CALD1: variants seen among roughly 807,000 people sequenced by gnomAD.
CALD1 encodes the protein caldesmon 1, also known as caldesmon.
CALD1 carries 33 observed loss-of-function variants against 99.9 expected under a neutral mutation model. The ratio of observed to expected loss-of-function variants is 0.33; its 90% CI spans 0.25 to 0.44. The LOEUF (loss-of-function observed/expected upper bound fraction) is 0.44, where lower values mean the gene tolerates loss of function less well. Among genes scored for constraint, CALD1 ranks in the 20% least tolerant of loss-of-function variants. CALD1 has a pLI of 1.00. For missense variants in CALD1, 861 were observed against 962.1 expected, an observed-to-expected ratio of 0.89 and a Z score of 1.39; for synonymous variants, 310 against 325.0, an observed-to-expected ratio of 0.95 and a Z score of 0.50.
chr7:134,915,752 G>T (rs1235815617), intron 3 of CALD1, among the ~76,000 whole-genome samples: 1 of 152,122 alleles, frequency 6.6e-6, no homozygotes, highest in East Asian at 1.9e-4. Flanking sequence ...CATTTTTATA[G>T]GGGTCTTCTA....
At chr7:134,924,784 A>G (rs1473147756) in intron 3 of CALD1, among the ~76,000 whole-genome samples, 3 of 152,096 alleles carry the variant, frequency 2.0e-5, no homozygotes, top group Admixed American at 2.0e-4. Flanking sequence ...CGTAATCTCC[A>G]TGTGTCAAGA....
rs779036893 is a variant in CALD1, at chr7:134,947,604, C to T, written c.1629C>T (p.Arg543=). 2 of 1,561,924 alleles carry T rather than the reference C, an allele frequency of 1.3e-6. No individual in the cohort carries two copies. Among genetic ancestry groups the T allele is most frequent in the Non-Finnish European group, 1.7e-6 (2 of 1,152,838 alleles). Residue 543 remains arginine (R), a synonymous_variant, in exon 8 of 15, where the codon CGC becomes CGT. Transcript: ENST00000361675. The stretch of plus-strand genomic sequence containing the variant: ...GGCTGGAGGAGCTTCGTCGTCGTCG[C>T]GGGGAGACCGAGAGCGAAGAGTTCG... The part of the protein sequence containing the change: ...GKRLEELRRR[R]GETESEEFEK...
chr7:134,831,393 C>T (rs1192751076), intron 1 of CALD1, among the ~76,000 whole-genome samples: 1 of 152,010 alleles, frequency 6.6e-6, no homozygotes, highest in East Asian at 1.9e-4. Flanking sequence ...GATCTCGGCT[C>T]ACTGCAACCT....
intron 3 of CALD1, chr7:134,920,392 C>G (rs1804525142): frequency 6.0e-6 from 3 of 499,934 alleles, no homozygotes; most frequent in Admixed American, 1.3e-4. Flanking sequence ...AAGTTGGATC[C>G]CAAATTAAGA....
chr7:134,807,104 C>T (rs1179448603), intron 1 of CALD1, among the ~76,000 whole-genome samples: 2 of 152,180 alleles, frequency 1.3e-5, no homozygotes, highest in African/African-American at 4.8e-5. Flanking sequence ...GAAGCATCAT[C>T]ATGGGCAGAG....
At chr7:134,777,141 T>C (rs1218798209), upstream of CALD1, among the ~76,000 whole-genome samples, 1 of 152,164 alleles carries the variant, frequency 6.6e-6, no homozygotes, top group Non-Finnish European at 1.5e-5. Flanking sequence ...TTCAGCAACA[T>C]GTATCTTTTT....
chr7:134,947,647 C>G lies in CALD1; in HGVS notation c.1672C>G (p.Gln558Glu). Residue 558 changes from glutamine to glutamate, a missense_variant, in exon 8 of 15, where the codon CAG (glutamine) becomes GAG (glutamate). Gln to Glu is a conservative substitution (Grantham distance 29, BLOSUM62 2). Around this residue, in one of 5 missense-constraint regions of CALD1, gnomAD observed 293 missense variants for 262.7 expected, o/e 1.12. Transcript: ENST00000361675. ...AGAGTTCGAGAAGCTCAAACAGAAG[C>G]AGCAGGAGGCGGCTTTGGAGCTGGA... The part of the protein sequence containing the change: ...SEEFEKLKQK[Q>E]QEAALELEEL... 4 of 1,578,122 alleles carry G rather than the reference C, an allele frequency of 2.5e-6. No individual in the cohort carries two copies. Among genetic ancestry groups the G allele is most frequent in the Non-Finnish European group, 2.6e-6 (3 of 1,161,204 alleles).
At chr7:134,723,028 C>G in the CALD1 span, among the ~76,000 whole-genome samples, 1 of 152,124 alleles carries the variant, frequency 6.6e-6, no homozygotes, top group African/African-American at 2.4e-5. Context: ...AGGATTCTAA[C>G]CAGCCAAGGG....
intron 3 of CALD1, among the ~76,000 whole-genome samples, chr7:134,878,613 G>A (rs535094845): frequency 3.9e-5 from 6 of 152,138 alleles, no homozygotes; most frequent in South Asian, 4.2e-4. Flanking sequence ...TTCTTATGCT[G>A]TCTAAAGCTG....
intron 1 of CALD1, among the ~76,000 whole-genome samples, chr7:134,815,349 T>C (rs935496509): frequency 1.3e-5 from 2 of 152,226 alleles, no homozygotes; most frequent in Non-Finnish European, 2.9e-5. Flanking sequence ...TCTCTCCGGC[T>C]GGTCCTCAAG....
At chr7:134,882,563 C>T (rs756395751) in intron 3 of CALD1, among the ~76,000 whole-genome samples, 25 of 152,118 alleles carry the variant, frequency 1.6e-4, no homozygotes, top group African/African-American at 5.6e-4. Context: ...TTATGCCAAA[C>T]GTACAGGAGT....
At chr7:134,876,342 GACAA>G (rs1169132916) in intron 3 of CALD1, among the ~76,000 whole-genome samples, 6 of 152,118 alleles carry the variant, frequency 3.9e-5, no homozygotes, top group Non-Finnish European at 8.8e-5. Context: ...TGGGCCCCTG[GACAA>G]ACAAAGCCAT....
chr7:134,885,417 G>GT (rs1563067406), intron 3 of CALD1, among the ~76,000 whole-genome samples: 1 of 151,914 alleles, frequency 6.6e-6, no homozygotes. Flanking sequence ...CTTTCATCCA[G>GT]GTCTGACCAC....
chr7:134,958,357 T>A, intron 11 of CALD1, 67 bp downstream of exon 11: 1 of 1,235,134 alleles, frequency 8.1e-7, no homozygotes, highest in Non-Finnish European at 1.2e-6. Context: ...TAGAAGAGCA[T>A]AAAAACACTT....
intron 4 of CALD1, 77 bp downstream of exon 4, chr7:134,928,977 C>A: frequency 7.7e-7 from 1 of 1,298,318 alleles, no homozygotes; most frequent in Non-Finnish European, 1.1e-6. Flanking sequence ...TTGAGCAGAG[C>A]ATTCCTTTCT....
intron 1 of CALD1, among the ~76,000 whole-genome samples, chr7:134,841,906 A>G (rs1408166617): frequency 6.6e-6 from 1 of 152,204 alleles, no homozygotes; most frequent in African/African-American, 2.4e-5. Flanking sequence ...TCTGCCTGGA[A>G]CATGCTTCCT....
At chr7:134,843,049 C>T (rs1213164253) in intron 1 of CALD1, among the ~76,000 whole-genome samples, 2 of 152,168 alleles carry the variant, frequency 1.3e-5, no homozygotes, top group African/African-American at 2.4e-5. Flanking sequence ...AATGGGGACT[C>T]GGGGAGGAAG....
intron 2 of CALD1, among the ~76,000 whole-genome samples, chr7:134,859,058 G>A (rs936670263): frequency 6.6e-6 from 1 of 152,156 alleles, no homozygotes; most frequent in Non-Finnish European, 1.5e-5. Flanking sequence ...CTCGTGGCTG[G>A]TGGCTACCAT....
At chr7:134,757,647 G>A (rs1013847535) in intron 1 of CALD1, among the ~76,000 whole-genome samples, 1 of 152,068 alleles carries the variant, frequency 6.6e-6, no homozygotes, top group African/African-American at 2.4e-5. Flanking sequence ...TTGGGAGGCC[G>A]AGGTGAGTGG....
Sources: gnomAD v4.1 joint callset for allele counts (sites outside exome capture counted in the v4.1 genomes callset) on GRCh38, gnomAD v4.1.1 for gene constraint, gnomAD v4.1.1 regional missense constraint, MANE v1.5 for transcripts, NCBI Gene and HGNC (gene_info 2026-07-23, HGNC 2026-07-21) for gene names.